The following LPIN2 variants were observed in gnomAD, a reference collection of about 807,000 sequenced individuals.
LPIN2 encodes the protein phosphatidate phosphatase LPIN2.
LPIN2 carries 55 observed loss-of-function variants against 111.4 expected under a neutral mutation model. The observed-to-expected ratio is 0.49, with a 90% CI of 0.40 to 0.62. LPIN2 has a LOEUF of 0.62. Ranked by LOEUF, LPIN2 falls within the 20% of genes least tolerant of loss-of-function variation. LPIN2 has a pLI of 0.00. For missense variants in LPIN2, 992 were observed against 1,112.1 expected, an observed-to-expected ratio of 0.89 and a Z score of 1.54; for synonymous variants, 425 against 414.0, an observed-to-expected ratio of 1.03 and a Z score of -0.32.
In LPIN2 at chr18:2,925,213, G is replaced by A. The variant is rs761288505; in HGVS notation, c.1938+11C>T. 7 of 1,614,082 alleles carry A rather than the reference G, an allele frequency of 4.3e-6. No homozygotes were observed. In the Admixed American group the frequency reaches 1.2e-4, roughly 27 times the overall value. The stretch of plus-strand genomic sequence containing the variant: ...AGTCCTACTGGACAACACAGATCAT[G>A]CAAGACTCACGATCTGGTCTGAGGA... On this transcript the variant is annotated intron_variant, in intron 14 of 19. Coordinates refer to ENST00000677752, the MANE Select transcript of LPIN2 (RefSeq NM_001375808.2). This position sits in a 1 kb window ranked among gnomAD's most constrained non-coding sequence, Gnocchi z 4.1.
chr18:2,964,572 A>G (rs894779412), intron 1 of LPIN2, among the ~76,000 whole-genome samples: 3 of 151,996 alleles, frequency 2.0e-5, no homozygotes, highest in African/African-American at 7.3e-5. Context: ...CCAGGAAGAG[A>G]GCCCAATCGG....
chr18:2,962,224 G>A (rs536171665), intron 1 of LPIN2, among the ~76,000 whole-genome samples: 5 of 152,254 alleles, frequency 3.3e-5, no homozygotes, highest in Non-Finnish European at 5.9e-5. Flanking sequence ...ATGAAGCATC[G>A]CCATGATAAT....
At chr18:2,946,917 T>C (rs772660828) in intron 4 of LPIN2, 1 of 270,284 alleles carries the variant, frequency 3.7e-6, no homozygotes, top group East Asian at 1.1e-4. Flanking sequence ...AGCCCTGCAA[T>C]ACTTCTCTCT....
intron 16 of LPIN2, 88 bp from the exon 17 acceptor site, chr18:2,922,287 T>A: frequency 6.7e-7 from 1 of 1,483,154 alleles, no homozygotes; most frequent in Non-Finnish European, 9.2e-7. Flanking sequence ...CACTTTTCTT[T>A]CTTTTTTTTT....
At chr18:2,993,193 G>A (rs1482270833) in intron 1 of LPIN2, among the ~76,000 whole-genome samples, 1 of 148,276 alleles carries the variant, frequency 6.7e-6, no homozygotes, top group African/African-American at 2.6e-5. Context: ...GAAGAAAGGA[G>A]AAAGGAACAA....
At chr18:3,012,555 G>A (rs2078623239) in intron 1 of LPIN2, among the ~76,000 whole-genome samples, 1 of 152,200 alleles carries the variant, frequency 6.6e-6, no homozygotes, top group African/African-American at 2.4e-5. Flanking sequence ...GAAGGCGGAG[G>A]TACGGGGCAA....
intron 3 of LPIN2, among the ~76,000 whole-genome samples, chr18:2,952,018 A>G (rs187722456): frequency 2.0e-5 from 3 of 152,226 alleles, no homozygotes; most frequent in Admixed American, 1.3e-4. Flanking sequence ...AAGCAGTCAA[A>G]CTCCTAATAC....
intron 10 of LPIN2, 135 bp downstream of exon 10, chr18:2,928,930 G>A: frequency 2.8e-6 from 2 of 702,660 alleles, no homozygotes; most frequent in Non-Finnish European, 2.5e-6. Context: ...TCACTTCAAA[G>A]TCATTGCCCA....
intron 1 of LPIN2, among the ~76,000 whole-genome samples, chr18:3,004,121 G>C (rs2078475345): frequency 6.6e-6 from 1 of 152,176 alleles, no homozygotes; most frequent in African/African-American, 2.4e-5. Context: ...CTGGTTCTCT[G>C]CTCTTGAACC....
chr18:2,940,858 G>C, intron 4 of LPIN2, 146 bp from the exon 5 acceptor site: 2 of 668,708 alleles, frequency 3.0e-6, no homozygotes, highest in East Asian at 5.5e-5. Flanking sequence ...GAAGGAGAAG[G>C]GGGGATACAC....
At chr18:3,005,794 A>G (rs2078506475) in intron 1 of LPIN2, among the ~76,000 whole-genome samples, 1 of 152,146 alleles carries the variant, frequency 6.6e-6, no homozygotes, top group Non-Finnish European at 1.5e-5. Context: ...GGGAGGTAGA[A>G]ACGGGAAGAC....
chr18:2,917,227 C>T lies in LPIN2; in HGVS notation c.*3066G>A, dbSNP rs1415771322. ...ATAATTATTAAAAGAGCAAAGTTTC[C>T]CCTCCCTTTCTTACTTTCAAACAAA... is the stretch of plus-strand genomic sequence containing the variant. On this transcript the variant is annotated 3_prime_UTR_variant, in exon 20 of 20. Transcript: ENST00000677752. 1 of 152,128 alleles carries T rather than the reference C, an allele frequency of 6.6e-6. No individual in the cohort carries two copies. The highest frequency in any genetic ancestry group is 1.5e-5 in the Non-Finnish European group (1 of 68,014). 9.4% of individuals were successfully genotyped at this position (152,128 alleles called of 1,614,324 possible).
chr18:2,974,253 A>G lies in LPIN2; in HGVS notation c.-9-13404T>C, dbSNP rs1205336125. On this transcript the variant is annotated intron_variant, in intron 1 of 19. Transcript: ENST00000677752. Reference sequence around the variant, plus strand: ...CACCACGCCCAGCTAATTTTTTTGTATTTTTTAGTAGAGATGGGGTTTCAC... The same window carrying G: ...CACCACGCCCAGCTAATTTTTTTGTGTTTTTTAGTAGAGATGGGGTTTCAC... 3.3e-5 allele frequency among the ~76,000 whole-genome samples: 5 copies of G among 151,542 alleles called. No individual in the cohort carries two copies. In the East Asian group the frequency reaches 7.8e-4, roughly 24 times the overall value.
rs137875195 is a variant in LPIN2 at position 2,933,380 on chromosome 18, A to G, written c.1268+971T>C. Among the ~76,000 whole-genome samples the G allele has an allele frequency of 2.7e-3, 406 of 152,310 alleles. 1 individual carries two copies. Among genetic ancestry groups the G allele is most frequent in the African/African-American group, 9.4e-3 (390 of 41,570 alleles). Reference sequence around the variant, plus strand: ...TTAAGGCCTGGGAAATGTGGGGGGAAAAGTGGTAATTCTATGACAGCTTAT... The same window carrying G: ...TTAAGGCCTGGGAAATGTGGGGGGAGAAGTGGTAATTCTATGACAGCTTAT... On this transcript the variant is annotated intron_variant, in intron 8 of 19. Transcript: ENST00000677752.
Position 2,923,866 on chromosome 18 carries a change from G to A in LPIN2, c.2088-5C>T, listed in dbSNP as rs747664058. 6.2e-7 allele frequency: 1 copy of A among 1,612,822 alleles called. No individual in the cohort carries two copies. The highest frequency in any genetic ancestry group is 1.1e-5 in the South Asian group (1 of 91,076). ...ATCTGTCCCAAAGCATCCGACCTAAGAAGACGGTAGAAACAGGAAAAGCTA... is the reference window on the plus strand; with the variant it reads ...ATCTGTCCCAAAGCATCCGACCTAAAAAGACGGTAGAAACAGGAAAAGCTA... On this transcript the variant is annotated splice_polypyrimidine_tract_variant and splice_region_variant and intron_variant, in intron 15 of 19. Coordinates refer to ENST00000677752, the MANE Select transcript of LPIN2 (RefSeq NM_001375808.2).
intron 1 of LPIN2, among the ~76,000 whole-genome samples, chr18:2,993,429 T>C (rs996542748): frequency 4.6e-5 from 7 of 152,154 alleles, no homozygotes; most frequent in Non-Finnish European, 8.8e-5. Context: ...AACCCTCAAT[T>C]TCCTCACCCA....
At chr18:3,001,856 A>C (rs2078440270) in intron 1 of LPIN2, among the ~76,000 whole-genome samples, 1 of 152,240 alleles carries the variant, frequency 6.6e-6, no homozygotes, top group Admixed American at 6.5e-5. Flanking sequence ...CTAATGAATA[A>C]GAATCACATT....
rs1282736614 is a variant in LPIN2 at position 2,939,004 on chromosome 18, CT to C, written c.822+475del. ...ACCTTGTCTCTACAAAAAATAAAAA[CT>C]AAAAAATTAACTGGGTGTGGTAGCA... On this transcript the variant is annotated intron_variant, in intron 6 of 19. Coordinates refer to ENST00000677752, the MANE Select transcript of LPIN2 (RefSeq NM_001375808.2). 2.0e-5 allele frequency among the ~76,000 whole-genome samples: 3 copies of C among 152,026 alleles called. No homozygotes were observed. In the South Asian group the frequency reaches 6.2e-4, roughly 32 times the overall value.
In LPIN2 at chr18:2,960,846, G is replaced by A. The variant is rs1175631701; in HGVS notation, c.-6C>T. 6 of 1,612,734 alleles carry A rather than the reference G, an allele frequency of 3.7e-6. 1 individual carries two copies. The highest frequency in any genetic ancestry group is 1.6e-4 in the Middle Eastern group (1 of 6,062). Reference sequence around the variant, plus strand: ...AGCTGTCCCACATAATTCATGGTTTGAGACTACAAGAAACAAAAATTAGAT... The same window carrying A: ...AGCTGTCCCACATAATTCATGGTTTAAGACTACAAGAAACAAAAATTAGAT... On this transcript the variant is annotated 5_prime_UTR_variant, in exon 2 of 20. Coordinates refer to ENST00000677752, the MANE Select transcript of LPIN2 (RefSeq NM_001375808.2).
Sources: allele counts gnomAD v4.1 joint callset (sites outside exome capture counted in the v4.1 genomes callset), GRCh38; gene constraint gnomAD v4.1.1; non-coding constraint Gnocchi (gnomAD v3.1); transcripts MANE v1.5; gene names NCBI Gene and HGNC (gene_info 2026-07-23, HGNC 2026-07-21).